MCC: variants seen among roughly 807,000 people sequenced by gnomAD.
The protein encoded by MCC is colorectal mutant cancer protein.
Under a neutral mutation model 116.2 loss-of-function variants are expected in MCC, and 90 were observed. The ratio of observed to expected loss-of-function variants is 0.77; its 90% CI spans 0.65 to 0.92. The LOEUF is 0.92. MCC is among the 40% of genes least tolerant of loss of function. The probability of loss-of-function intolerance (pLI) is 0.00; values close to 1 mark genes in which losing one functional copy is unlikely to be tolerated. For missense variants in MCC, 1,516 were observed against 1,312.2 expected, an observed-to-expected ratio of 1.16 and a Z score of -2.40; for synonymous variants, 578 against 510.5, an observed-to-expected ratio of 1.13 and a Z score of -1.78.
At chr5:113,042,738 G>A (rs1751804333) in intron 17 of MCC, among the ~76,000 whole-genome samples, 2 of 151,698 alleles carry the variant, frequency 1.3e-5, no homozygotes, top group Non-Finnish European at 2.9e-5. Flanking sequence ...TTTGAGATAT[G>A]CTGAGGTGTA....
At chr5:113,124,065 G>T (rs1029576339) in intron 5 of MCC, among the ~76,000 whole-genome samples, 2 of 152,168 alleles carry the variant, frequency 1.3e-5, no homozygotes, top group African/African-American at 2.4e-5. Context: ...CCAGGAAAGG[G>T]ATTCAGCTGA....
intron 2 of MCC, among the ~76,000 whole-genome samples, chr5:113,342,031 A>C: frequency 7.1e-6 from 1 of 140,364 alleles, no homozygotes; most frequent in African/African-American, 2.7e-5. Context: ...CCACTGTGTC[A>C]CTCTTATGCC....
At chr5:113,391,573 G>A (rs1373104825) in intron 1 of MCC, among the ~76,000 whole-genome samples, 1 of 152,022 alleles carries the variant, frequency 6.6e-6, no homozygotes, top group Non-Finnish European at 1.5e-5. Context: ...GAAAAAATTA[G>A]CCAGGCATGG....
intron 5 of MCC, among the ~76,000 whole-genome samples, chr5:113,131,432 G>A (rs1169768034): frequency 6.6e-6 from 1 of 152,134 alleles, no homozygotes; most frequent in Non-Finnish European, 1.5e-5. Flanking sequence ...AAATATTCAT[G>A]AATACAATTT....
At chr5:113,267,614 A>C (rs1253467946) in intron 3 of MCC, among the ~76,000 whole-genome samples, 1 of 152,228 alleles carries the variant, frequency 6.6e-6, no homozygotes, top group Non-Finnish European at 1.5e-5. Context: ...CAGCATGATG[A>C]GCCATGAAAA....
chr5:113,482,588 C>A (rs1772408632), intron 1 of MCC, among the ~76,000 whole-genome samples: 1 of 152,028 alleles, frequency 6.6e-6, no homozygotes, highest in African/African-American at 2.4e-5. Flanking sequence ...GATCCTTTGT[C>A]CATTTTTACA....
chr5:113,031,738 T>A (rs1750968994), intron 17 of MCC, among the ~76,000 whole-genome samples: 1 of 151,938 alleles, frequency 6.6e-6, no homozygotes, highest in Non-Finnish European at 1.5e-5. Context: ...TCCCAGCCCT[T>A]CCACAAGACA....
At chr5:113,106,524 A>G (rs543175801) in intron 6 of MCC, among the ~76,000 whole-genome samples, 1 of 152,194 alleles carries the variant, frequency 6.6e-6, no homozygotes, top group African/African-American at 2.4e-5. Flanking sequence ...CTGATTTTTT[A>G]AAATTTTAAT....
chr5:113,102,418 T>A (rs1191823509), intron 7 of MCC, among the ~76,000 whole-genome samples: 1 of 152,208 alleles, frequency 6.6e-6, no homozygotes, highest in South Asian at 2.1e-4. Flanking sequence ...AGCGATAAGA[T>A]AGGTCACATT....
Position 113,181,346 on chromosome 5 carries a change from G to A in MCC, c.628-29924C>T, listed in dbSNP as rs570600893. ...TTAGAATTTAGAAAAGGATTCTGAA[G>A]AGATTCACTTTTACTGGGACTCAAA... On this transcript the variant is annotated intron_variant, in intron 3 of 18. Transcript: ENST00000408903. Among the ~76,000 whole-genome samples the A allele has an allele frequency of 1.5e-4, 23 of 152,360 alleles. 1 individual carries two copies. In the East Asian group the frequency reaches 3.7e-3, roughly 24 times the overall value.
At chr5:113,131,018 T>G (rs1456980447) in intron 5 of MCC, among the ~76,000 whole-genome samples, 1 of 152,082 alleles carries the variant, frequency 6.6e-6, no homozygotes, top group Non-Finnish European at 1.5e-5. Context: ...ATATATGAAT[T>G]TGGGTAGGGG....
intron 17 of MCC, among the ~76,000 whole-genome samples, chr5:113,030,088 C>T (rs767141945): frequency 2.0e-5 from 3 of 152,182 alleles, no homozygotes; most frequent in Non-Finnish European, 2.9e-5. Context: ...GGAAGGAATT[C>T]GTTTAAAAAG....
At chr5:113,053,164 A>G (rs968795567) in intron 15 of MCC, among the ~76,000 whole-genome samples, 5 of 152,136 alleles carry the variant, frequency 3.3e-5, no homozygotes, top group Admixed American at 2.6e-4. Context: ...ACCAGCAGGT[A>G]GGTATCTCCA....
intron 3 of MCC, among the ~76,000 whole-genome samples, chr5:113,225,722 T>TC (rs1193321386): frequency 7.2e-5 from 11 of 152,204 alleles, no homozygotes; most frequent in African/African-American, 2.7e-4. Context: ...TGCTGTATAG[T>TC]CACAAACACA....
At chr5:113,277,090 C>A (rs1765859322) in intron 3 of MCC, among the ~76,000 whole-genome samples, 1 of 151,954 alleles carries the variant, frequency 6.6e-6, no homozygotes, top group Non-Finnish European at 1.5e-5. Flanking sequence ...CACCTGTAAT[C>A]CCAGCACTTT....
chr5:113,219,438 A>G (rs185271240), intron 3 of MCC, among the ~76,000 whole-genome samples: 360 of 152,344 alleles, frequency 2.4e-3, no homozygotes, highest in Admixed American at 5.9e-3. Context: ...TTTAACCACA[A>G]ATGTATCTAA....
intron 1 of MCC, chr5:113,433,456 C>T: frequency 1.6e-6 from 1 of 610,828 alleles, no homozygotes; most frequent in South Asian, 1.9e-5. Context: ...AGTGGGGACC[C>T]TCTGCTGAGA....
At chr5:113,331,127 T>A (rs1767686254) in intron 3 of MCC, among the ~76,000 whole-genome samples, 1 of 152,230 alleles carries the variant, frequency 6.6e-6, no homozygotes, top group African/African-American at 2.4e-5. Context: ...CCTTAGATGC[T>A]GAACTGTGGA....
At position 113,043,239 on chromosome 5, in the gene MCC, T is replaced by G. The variant is rs76413315; in HGVS notation, c.2756+291A>C. ...CTGTTTTCACCTCACTAGTTAACAC[T>G]GTCCCGGAAGTTTCTAGCCAATGCA... On this transcript the variant is annotated intron_variant, in intron 17 of 18. Transcript: ENST00000408903. 8.3e-3 allele frequency among the ~76,000 whole-genome samples: 1,258 copies of G among 152,332 alleles called. 26 individuals carry two copies. The highest frequency in any genetic ancestry group is 0.029 in the African/African-American group (1,209 of 41,572).
Sources: allele counts gnomAD v4.1 joint callset (sites outside exome capture counted in the v4.1 genomes callset), GRCh38; gene constraint gnomAD v4.1.1; transcripts MANE v1.5; gene names NCBI Gene and HGNC (gene_info 2026-07-23, HGNC 2026-07-21).